ABCC8: variants seen among roughly 807,000 people sequenced by gnomAD.
The protein encoded by ABCC8 is ATP binding cassette subfamily C member 8.
Under a neutral mutation model 188.0 loss-of-function variants are expected in ABCC8, and 137 were observed. The ratio of observed to expected loss-of-function variants is 0.73; its 90% CI spans 0.63 to 0.84. The LOEUF (loss-of-function observed/expected upper bound fraction) is 0.84, where lower values mean the gene tolerates loss of function less well. Ranked by LOEUF, ABCC8 falls within the 40% of genes least tolerant of loss-of-function variation. ABCC8 has a pLI of 0.00. For missense variants in ABCC8, 1,750 were observed against 2,072.7 expected (o/e 0.84, Z 3.02); for synonymous variants, 797 against 846.5 (o/e 0.94, Z 1.01).
intron 8 of ABCC8, among the ~76,000 whole-genome samples, chr11:17,443,643 C>A (rs987403088): frequency 1.4e-4 from 22 of 152,272 alleles, no homozygotes; most frequent in African/African-American, 5.3e-4. Context: ...TTTGTGACAG[C>A]ACCTTTTGTT....
Position 17,407,020 on chromosome 11 carries a change from C to A in ABCC8, c.3030G>T (p.Leu1010=). The A allele has an allele frequency of 6.2e-7, 1 of 1,614,196 alleles. No homozygotes were observed. Among genetic ancestry groups the A allele is most frequent in the Non-Finnish European group, 8.5e-7 (1 of 1,180,038 alleles). The change falls in exon 25 of 39, where the codon CTG becomes CTT. Residue 1010 remains leucine, a synonymous_variant. Coordinates refer to ENST00000389817, the MANE Select transcript of ABCC8 (RefSeq NM_000352.6). ...CAKYLSSAGI[L]LLSLLVFSQL... ...GTGAGAAGACCAGCAACGACAGGAGCAGGATGCCGGCGGAGGACAGGTACT... is the reference window on the plus strand; with the variant it reads ...GTGAGAAGACCAGCAACGACAGGAGAAGGATGCCGGCGGAGGACAGGTACT...
At chr11:17,474,030 A>G (rs1295784129) in intron 2 of ABCC8, among the ~76,000 whole-genome samples, 2 of 151,904 alleles carry the variant, frequency 1.3e-5, no homozygotes, top group African/African-American at 4.8e-5. Flanking sequence ...CCCTTCCCTC[A>G]GGCACCACCA....
chr11:17,430,640 G>T, intron 12 of ABCC8, 174 bp downstream of exon 12: 1 of 787,602 alleles, frequency 1.3e-6, no homozygotes. Flanking sequence ...ATGGCGAGCT[G>T]GGAAACCATA....
At position 17,455,554 on chromosome 11, in the gene ABCC8, C is replaced by A. The variant is rs182923957; in HGVS notation, c.1012-2271G>T. Among the ~76,000 whole-genome samples the A allele has an allele frequency of 5.3e-5, 8 of 152,224 alleles. No homozygotes were observed. In the East Asian group the frequency reaches 7.7e-4, roughly 15 times the overall value. On this transcript the variant is annotated intron_variant, in intron 6 of 38. Transcript: ENST00000389817. ...ACCTGTTAAAATAAAAATCTCACTG[C>A]AGCTATAAGTCATTGGGTCATTATT...
In ABCC8 at chr11:17,461,737, T is replaced by C; in HGVS notation, c.668A>G (p.Asn223Ser). 6.2e-7 allele frequency: 1 copy of C among 1,614,124 alleles called. No homozygotes were observed. Among genetic ancestry groups the C allele is most frequent in the Non-Finnish European group, 8.5e-7 (1 of 1,180,010 alleles). The change falls in exon 5 of 39, where the codon AAT (asparagine) becomes AGT (serine). Residue 223 changes from asparagine to serine, a missense_variant. Coordinates refer to ENST00000389817, the MANE Select transcript of ABCC8 (RefSeq NM_000352.6). ...CCAGTAGGTGCCTTTGGACAGCAGA[T>C]TCACGAAGGGCTGCAGGAAGCGTAC... is the stretch of plus-strand genomic sequence containing the variant. ...LGVRFLQPFVNLLSKGTYWWM... is the reference protein window; with the variant it reads ...LGVRFLQPFVSLLSKGTYWWM...
At chr11:17,457,699 T>A (rs181432191) in intron 6 of ABCC8, among the ~76,000 whole-genome samples, 2 of 152,218 alleles carry the variant, frequency 1.3e-5, no homozygotes, top group African/African-American at 4.8e-5. Context: ...GACAGGAGCA[T>A]CAAAGATCTG....
chr11:17,399,890 G>A (rs1187237472), intron 29 of ABCC8, among the ~76,000 whole-genome samples: 3 of 152,180 alleles, frequency 2.0e-5, no homozygotes, highest in African/African-American at 7.2e-5. Flanking sequence ...TACTGCGCAT[G>A]GACCTGCCTC....
At position 17,448,658 on chromosome 11, in the gene ABCC8, T is replaced by C. The variant is rs1213719069; in HGVS notation, c.1190A>G (p.Asn397Ser). 3 of 1,614,104 alleles carry C rather than the reference T, an allele frequency of 1.9e-6. No homozygotes were observed. Among genetic ancestry groups the C allele is most frequent in the African/African-American group, 2.7e-5 (2 of 74,930 alleles). Residue 397 changes from asparagine (N) to serine (S), a missense_variant, in exon 8 of 39, where the codon AAT (asparagine) becomes AGT (serine). Coordinates refer to ENST00000389817, the MANE Select transcript of ABCC8 (RefSeq NM_000352.6). ...GGAGGTGGACAGGTGCATAATTTTATTGTAAATCTTGGTCTAGAAATGAGA... is the reference window on the plus strand; with the variant it reads ...GGAGGTGGACAGGTGCATAATTTTACTGTAAATCTTGGTCTAGAAATGAGA... Reference protein sequence around the residue: ...LRGAIQTKIYNKIMHLSTSNL... With the variant: ...LRGAIQTKIYSKIMHLSTSNL...
intron 33 of ABCC8, 175 bp downstream of exon 33, chr11:17,396,738 TAGA>T: frequency 1.3e-6 from 1 of 760,788 alleles, no homozygotes; most frequent in Admixed American, 2.5e-5. Context: ...GGGAAGGCAA[TAGA>T]AGGAGAGGAA....
intron 3 of ABCC8, 177 bp from the exon 4 acceptor site, chr11:17,463,781 C>T (rs189782688): frequency 2.0e-5 from 5 of 250,430 alleles, no homozygotes; most frequent in East Asian, 1.8e-4. Flanking sequence ...TCTAAGATGA[C>T]GCACGTACGT....
intron 23 of ABCC8, 84 bp downstream of exon 23, chr11:17,408,308 G>A (rs1180257739): frequency 4.4e-6 from 6 of 1,358,218 alleles, no homozygotes; most frequent in Non-Finnish European, 6.2e-6. Flanking sequence ...GGGCACTAAG[G>A]ACAGGAAGAC....
intron 10 of ABCC8, among the ~76,000 whole-genome samples, chr11:17,438,556 A>AG (rs1198655137): frequency 2.0e-5 from 3 of 152,222 alleles, no homozygotes; most frequent in African/African-American, 4.8e-5. Context: ...CTTGCCTGAT[A>AG]GGACCTAGGA....
Position 17,406,742 on chromosome 11 carries a change from A to G in ABCC8, c.3209T>C (p.Leu1070Pro). 6.2e-7 allele frequency: 1 copy of G among 1,614,194 alleles called. No individual in the cohort carries two copies. The highest frequency in any genetic ancestry group is 1.1e-5 in the South Asian group (1 of 91,072). ...GCACAGCACAATGCCCAGGCTGCAG[A>G]GCACCGTGAACACCATGGCATAGAC... ...QTVYAMVFTV[L>P]CSLGIVLCLV... Residue 1070 changes from leucine to proline, a missense_variant, in exon 26 of 39, where the codon CTC (leucine) becomes CCC (proline). Physicochemically the swap from Leu to Pro is moderately conservative, Grantham distance 98. Coordinates refer to ENST00000389817, the MANE Select transcript of ABCC8 (RefSeq NM_000352.6).
intron 10 of ABCC8, among the ~76,000 whole-genome samples, chr11:17,441,250 C>T (rs990778820): frequency 1.3e-5 from 2 of 152,128 alleles, no homozygotes; most frequent in African/African-American, 4.8e-5. Context: ...GCCCCCAGCT[C>T]TTTGTGGAAA....
At position 17,463,314 on chromosome 11, in the gene ABCC8, C is replaced by T. The variant is rs569206251; in HGVS notation, c.579+124G>A. The T allele has an allele frequency of 2.0e-4, 164 of 827,460 alleles. 1 individual carries two copies. Among genetic ancestry groups the T allele is most frequent in the Middle Eastern group, 1.4e-3 (4 of 2,882 alleles). The allele number at this position is 827,460 out of a possible 1,614,324, so 51.3% of individuals were successfully genotyped here. The stretch of plus-strand genomic sequence containing the variant: ...ACGGCCCCACTCCCCTTTACACGGG[C>T]GGGTAAAACAAGCTGATCCCTTCTC... On this transcript the variant is annotated intron_variant, in intron 4 of 38. Transcript: ENST00000389817.
chr11:17,458,806 C>T (rs1957087114), intron 6 of ABCC8, among the ~76,000 whole-genome samples: 1 of 152,216 alleles, frequency 6.6e-6, no homozygotes, highest in South Asian at 2.1e-4. Flanking sequence ...CCGTCAAGAC[C>T]CCTTTCAAAC....
chr11:17,458,333 A>G (rs1957068682), intron 6 of ABCC8, among the ~76,000 whole-genome samples: 1 of 152,250 alleles, frequency 6.6e-6, no homozygotes, highest in Non-Finnish European at 1.5e-5. Flanking sequence ...GGGTTTGTGT[A>G]TAAACAAAGA....
chr11:17,442,960 T>A (rs1235414361), intron 9 of ABCC8, 78 bp from the exon 10 acceptor site: 1 of 1,602,820 alleles, frequency 6.2e-7, no homozygotes, highest in African/African-American at 1.3e-5. Context: ...GTGTCAATAC[T>A]GTCACTGCCA....
At chr11:17,443,397 C>A (rs749299809) in intron 8 of ABCC8, 85 bp from the exon 9 acceptor site, 193 of 1,606,580 alleles carry the variant, frequency 1.2e-4, no homozygotes, top group Non-Finnish European at 1.5e-4. Flanking sequence ...TTTCCCCAGT[C>A]CCCTAGAGTG....
Sources: gnomAD v4.1 joint callset for allele counts (sites outside exome capture counted in the v4.1 genomes callset) on GRCh38, gnomAD v4.1.1 for gene constraint, MANE v1.5 for transcripts, NCBI Gene and HGNC (gene_info 2026-07-23, HGNC 2026-07-21) for gene names.